Variants in SCN9A observed in about 807,000 individuals in gnomAD.
SCN9A encodes the protein sodium channel protein type 9 subunit alpha.
A neutral mutation model predicts 187.0 loss-of-function variants in SCN9A; 131 were observed. The ratio of observed to expected loss-of-function variants is 0.70; its 90% CI spans 0.61 to 0.81. The LOEUF is 0.81. Ranked by LOEUF, SCN9A falls within the 30% of genes least tolerant of loss-of-function variation. The pLI is 0.00. For synonymous variants in SCN9A, 809 were observed against 808.6 expected (o/e 1.00, Z -0.01); for missense variants, 2,252 against 2,396.6 (o/e 0.94, Z 1.26).
chr2:166,342,705 A>G (rs530485751), intron 1 of SCN9A, among the ~76,000 whole-genome samples: 5 of 152,330 alleles, frequency 3.3e-5, no homozygotes, highest in Non-Finnish European at 5.9e-5. Flanking sequence ...ATATGCATTT[A>G]AAAATATACA....
intron 1 of SCN9A, among the ~76,000 whole-genome samples, chr2:166,324,098 C>G (rs1352090216): frequency 3.3e-5 from 5 of 151,626 alleles, no homozygotes; most frequent in Non-Finnish European, 7.4e-5. Flanking sequence ...ATCACTGAGC[C>G]TCTTACCTGT....
At chr2:166,324,832 C>T (rs1699326083) in intron 1 of SCN9A, among the ~76,000 whole-genome samples, 2 of 152,146 alleles carry the variant, frequency 1.3e-5, no homozygotes, top group East Asian at 1.9e-4. Flanking sequence ...TGAGAAATTG[C>T]GACAGCCTAG....
intron 26 of SCN9A, among the ~76,000 whole-genome samples, chr2:166,202,248 T>A (rs10165613): frequency 6.6e-6 from 1 of 150,790 alleles, no homozygotes; most frequent in African/African-American, 2.4e-5. Context: ...GAAAGGACTA[T>A]AAGAGTATAT....
At chr2:166,229,025 G>A (rs1163452722) in intron 21 of SCN9A, 53 bp from the exon 22 acceptor site, 3 of 1,407,736 alleles carry the variant, frequency 2.1e-6, no homozygotes, top group South Asian at 2.6e-5. Context: ...ATGTTAAATA[G>A]GCAACATGAA....
chr2:166,303,976 T>A (rs146453073), intron 6 of SCN9A: 175 of 1,512,316 alleles, frequency 1.2e-4, no homozygotes, highest in Admixed American at 2.3e-4. Flanking sequence ...AGGTTTTTTT[T>A]ATGTCTTTCT....
At chr2:166,314,748 C>A (rs910206871) in intron 1 of SCN9A, among the ~76,000 whole-genome samples, 1 of 152,130 alleles carries the variant, frequency 6.6e-6, no homozygotes, top group African/African-American at 2.4e-5. Flanking sequence ...CCAGAATAGG[C>A]AAATCCCCAG....
chr2:166,354,182 C>T lies in SCN9A; in HGVS notation c.-51+21515G>A, dbSNP rs575127361. On this transcript the variant is annotated intron_variant, in intron 1 of 26. Coordinates refer to ENST00000642356, the MANE Select transcript of SCN9A (RefSeq NM_001365536.1). ...TGGCACTCTCAATTGCTCTTTTTCT[C>T]CTCATTAAAAAAATTAAAACATTGA... is the stretch of plus-strand genomic sequence containing the variant. Among the ~76,000 whole-genome samples the T allele has an allele frequency of 2.9e-4, 44 of 152,200 alleles. 1 individual carries two copies. Among genetic ancestry groups the T allele is most frequent in the Non-Finnish European group, 6.2e-4 (42 of 67,990 alleles).
intron 22 of SCN9A, among the ~76,000 whole-genome samples, chr2:166,228,320 G>T (rs1400296539): frequency 7.3e-6 from 1 of 137,198 alleles, no homozygotes. Context: ...GCAGTGGCAC[G>T]ATCTTGGCCC....
chr2:166,347,853 T>C (rs115251943), intron 1 of SCN9A, among the ~76,000 whole-genome samples: 2,371 of 152,190 alleles, frequency 0.016, 59 homozygotes, highest in African/African-American at 0.054. Context: ...TACACTCTGA[T>C]CTAGAACTTG....
At chr2:166,280,633 T>A in intron 13 of SCN9A, 38 bp from the exon 14 acceptor site, 1 of 1,223,282 alleles carries the variant, frequency 8.2e-7, no homozygotes, top group Non-Finnish European at 1.2e-6. Context: ...GTCAGCCATT[T>A]GTCTGTTTCA....
At position 166,204,137 on chromosome 2, in the gene SCN9A, G is replaced by A; in HGVS notation, c.4592C>T (p.Thr1531Ile). The A allele has an allele frequency of 6.2e-7, 1 of 1,612,510 alleles. No individual in the cohort carries two copies. ...TTGACCCTCCTTTTCTACCATCATGGTTACCATGTTGAGACAGATAAGAAC... is the reference window on the plus strand; with the variant it reads ...TTGACCCTCCTTTTCTACCATCATGATTACCATGTTGAGACAGATAAGAAC... ...IMVLICLNMV[T>I]MMVEKEGQSQ... Residue 1531 changes from threonine (T) to isoleucine (I), a missense_variant, in exon 26 of 27, where the codon ACC (threonine) becomes ATC (isoleucine). Physicochemically the swap from Thr to Ile is moderately conservative, Grantham distance 89. Transcript: ENST00000642356.
chr2:166,256,278 G>A (rs563481404), intron 17 of SCN9A, among the ~76,000 whole-genome samples: 1 of 150,982 alleles, frequency 6.6e-6, no homozygotes, highest in Non-Finnish European at 1.5e-5. Context: ...TTTTCATCTT[G>A]AGTGTAATCA....
At chr2:166,355,465 T>C (rs1373303565) in intron 1 of SCN9A, among the ~76,000 whole-genome samples, 1 of 152,162 alleles carries the variant, frequency 6.6e-6, no homozygotes, top group Non-Finnish European at 1.5e-5. Flanking sequence ...TCTTGATCTT[T>C]TTTCTATTGA....
chr2:166,375,380 A>G (rs16852069), intron 1 of SCN9A, among the ~76,000 whole-genome samples: 1,725 of 152,294 alleles, frequency 0.011, 12 homozygotes, highest in South Asian at 0.015. Flanking sequence ...ACAGAAATAA[A>G]AGACAGTAAA....
chr2:166,221,091 A>G (rs1694565849), intron 24 of SCN9A, among the ~76,000 whole-genome samples: 1 of 152,190 alleles, frequency 6.6e-6, no homozygotes, highest in African/African-American at 2.4e-5. Flanking sequence ...AATACTTAGG[A>G]TATGCTTAAC....
intron 26 of SCN9A, among the ~76,000 whole-genome samples, chr2:166,203,565 G>A (rs1288756301): frequency 6.6e-6 from 1 of 151,762 alleles, no homozygotes; most frequent in Non-Finnish European, 1.5e-5. Flanking sequence ...AGATATTCTG[G>A]CTATTAATAT....
intron 10 of SCN9A, among the ~76,000 whole-genome samples, chr2:166,288,120 T>TATAC (rs56738765): frequency 1.3e-4 from 18 of 135,566 alleles, no homozygotes; most frequent in East Asian, 1.0e-3. Flanking sequence ...TATATATATA[T>TATAC]ACACACACAT....
intron 1 of SCN9A, among the ~76,000 whole-genome samples, chr2:166,346,307 A>G (rs1322509853): frequency 1.3e-5 from 2 of 152,214 alleles, no homozygotes; most frequent in Non-Finnish European, 2.9e-5. Context: ...CAAAGATCAT[A>G]GTATTATCAT....
intron 7 of SCN9A, 160 bp downstream of exon 7, chr2:166,302,930 G>A (rs1212785876): frequency 3.3e-6 from 2 of 601,472 alleles, no homozygotes; most frequent in Non-Finnish European, 2.8e-6. Context: ...GATGATTTAT[G>A]AAAATCATAT....
Sources: allele counts gnomAD v4.1 joint callset (sites outside exome capture counted in the v4.1 genomes callset), GRCh38; gene constraint gnomAD v4.1.1; transcripts MANE v1.5; gene names NCBI Gene and HGNC (gene_info 2026-07-23, HGNC 2026-07-21).